The following CADPS variants were observed in gnomAD, a reference collection of about 807,000 sequenced individuals.
CADPS encodes calcium-dependent secretion activator 1.
Under a neutral mutation model 167.3 loss-of-function variants are expected in CADPS, and 57 were observed. The ratio of observed to expected loss-of-function variants is 0.34; its 90% CI spans 0.28 to 0.42. The LOEUF (loss-of-function observed/expected upper bound fraction) is 0.42, where lower values mean the gene tolerates loss of function less well. Among genes scored for constraint, CADPS ranks in the 20% least tolerant of loss-of-function variants. The pLI, the probability that CADPS is intolerant of heterozygous loss-of-function variation, is 1.00. For synonymous variants in CADPS, 676 were observed against 635.3 expected (o/e 1.06, Z -0.96); for missense variants, 1,414 against 1,738.1 (o/e 0.81, Z 3.32).
intron 7 of CADPS, among the ~76,000 whole-genome samples, chr3:62,590,427 C>T (rs907629387): frequency 3.3e-5 from 5 of 152,190 alleles, no homozygotes; most frequent in African/African-American, 1.2e-4. Context: ...TCCCTAGGGA[C>T]AGAAATGAGT....
chr3:62,680,944 C>A (rs774559742), intron 3 of CADPS, among the ~76,000 whole-genome samples: 1 of 152,002 alleles, frequency 6.6e-6, no homozygotes, highest in Non-Finnish European at 1.5e-5. Context: ...AGGACATATC[C>A]TGGTTCTTCA....
chr3:62,744,571 G>T (rs142470027), intron 3 of CADPS, among the ~76,000 whole-genome samples: 1 of 152,172 alleles, frequency 6.6e-6, no homozygotes, highest in African/African-American at 2.4e-5. Flanking sequence ...TATTTGCAAG[G>T]CTGTGCTAGA....
intron 6 of CADPS, among the ~76,000 whole-genome samples, chr3:62,597,873 G>A (rs1194135618): frequency 2.0e-5 from 3 of 152,004 alleles, no homozygotes; most frequent in Admixed American, 6.6e-5. Flanking sequence ...ATGGTAACCT[G>A]GTCCAGTGAA....
At chr3:62,559,143 C>A (rs1512021) in intron 9 of CADPS, among the ~76,000 whole-genome samples, 130,143 of 151,878 alleles carry the variant, frequency 0.86, 55,817 homozygotes, top group Middle Eastern at 0.94. Flanking sequence ...TTATACAGGC[C>A]CCTTCCTTGC....
intron 26 of CADPS, among the ~76,000 whole-genome samples, chr3:62,461,164 G>C (rs2059298529): frequency 6.6e-6 from 1 of 152,194 alleles, no homozygotes; most frequent in Admixed American, 6.5e-5. Context: ...GTTGGAATGG[G>C]ATTGTTCTGA....
chr3:62,874,375 C>A lies in CADPS; in HGVS notation c.441+214G>T, dbSNP rs2153226740. 6.6e-6 allele frequency among the ~76,000 whole-genome samples: 1 copy of A among 152,280 alleles called. No individual in the cohort carries two copies. Among genetic ancestry groups the A allele is most frequent in the Non-Finnish European group, 1.5e-5 (1 of 68,022 alleles). ...GCGGCGCTGCGCTCCGCGGCCCTCG[C>A]CGGTCCCAGTCAGCTCCAGGAGCGC... On this transcript the variant is annotated intron_variant, in intron 1 of 29. Coordinates refer to ENST00000383710, the MANE Select transcript of CADPS (RefSeq NM_003716.4). This position sits in a 1 kb window ranked among gnomAD's most constrained non-coding sequence, Gnocchi z 7.1.
intron 1 of CADPS, chr3:62,814,434 AG>A (rs2094521676): frequency 6.6e-6 from 1 of 152,208 alleles, no homozygotes; most frequent in South Asian, 2.1e-4. Flanking sequence ...ATTACAAAGA[AG>A]ATTAACATAG....
chr3:62,470,076 G>T (rs996506273), intron 24 of CADPS, among the ~76,000 whole-genome samples: 15 of 152,168 alleles, frequency 9.9e-5, no homozygotes, highest in African/African-American at 3.6e-4. Context: ...TAGACCAAGT[G>T]AGAAACTATT....
At chr3:62,554,012 A>G (rs2077720691) in intron 10 of CADPS, among the ~76,000 whole-genome samples, 2 of 152,188 alleles carry the variant, frequency 1.3e-5, no homozygotes, top group Admixed American at 6.5e-5. Context: ...AGGGGAAAGG[A>G]ATTGCACTTC....
chr3:62,639,557 C>A (rs943549129), intron 6 of CADPS, among the ~76,000 whole-genome samples: 1 of 152,160 alleles, frequency 6.6e-6, no homozygotes, highest in Non-Finnish European at 1.5e-5. Context: ...CTGTGTTATT[C>A]CCCACTCTAA....
At chr3:62,597,047 A>T (rs1211606690) in intron 6 of CADPS, among the ~76,000 whole-genome samples, 1 of 152,204 alleles carries the variant, frequency 6.6e-6, no homozygotes, top group Non-Finnish European at 1.5e-5. Context: ...ACTTATGATT[A>T]ATTGTACTAT....
At chr3:62,708,490 G>A (rs777759830) in intron 3 of CADPS, among the ~76,000 whole-genome samples, 7 of 151,992 alleles carry the variant, frequency 4.6e-5, no homozygotes, top group Non-Finnish European at 1.0e-4. Flanking sequence ...ACACCAAGAG[G>A]TTGGGTAACT....
intron 3 of CADPS, among the ~76,000 whole-genome samples, chr3:62,667,310 T>C (rs1580023029): frequency 6.6e-6 from 1 of 152,138 alleles, no homozygotes; most frequent in East Asian, 1.9e-4. Context: ...CTTTAGGATA[T>C]ATGAAAGAAA....
At chr3:62,708,829 G>C (rs1453357803) in intron 3 of CADPS, among the ~76,000 whole-genome samples, 2 of 151,978 alleles carry the variant, frequency 1.3e-5, no homozygotes, top group Admixed American at 6.6e-5. Flanking sequence ...ATAAAGAAAG[G>C]GGTAGGGGCG....
At chr3:62,449,654 C>G (rs1378952485) in intron 26 of CADPS, among the ~76,000 whole-genome samples, 1 of 152,162 alleles carries the variant, frequency 6.6e-6, no homozygotes, top group Non-Finnish European at 1.5e-5. Flanking sequence ...AAATAACCAA[C>G]AGCCCTTACC....
chr3:62,723,454 G>A (rs2076177255), intron 3 of CADPS, among the ~76,000 whole-genome samples: 1 of 152,036 alleles, frequency 6.6e-6, no homozygotes, highest in Admixed American at 6.6e-5. Flanking sequence ...GGGCATGTGG[G>A]GCTCACCTCT....
chr3:62,841,227 G>A (rs972061313), intron 1 of CADPS, among the ~76,000 whole-genome samples: 1 of 152,178 alleles, frequency 6.6e-6, no homozygotes, highest in Non-Finnish European at 1.5e-5. Context: ...TAGTAAGTAA[G>A]AGAAGAAAAC....
intron 1 of CADPS, among the ~76,000 whole-genome samples, chr3:62,780,624 T>C (rs1394448648): frequency 1.3e-5 from 2 of 152,204 alleles, no homozygotes; most frequent in Non-Finnish European, 2.9e-5. Context: ...TGTAGAATAC[T>C]GATAAGTTGC....
At chr3:62,583,155 G>GTCTGTCTC (rs376827660) in intron 8 of CADPS, among the ~76,000 whole-genome samples, 4 of 147,178 alleles carry the variant, frequency 2.7e-5, no homozygotes, top group Non-Finnish European at 4.5e-5. Flanking sequence ...TACCCTCTTT[G>GTCTGTCTC]TCTCTCTCTC....
Sources: allele counts gnomAD v4.1 joint callset (sites outside exome capture counted in the v4.1 genomes callset), GRCh38; gene constraint gnomAD v4.1.1; non-coding constraint Gnocchi (gnomAD v3.1); transcripts MANE v1.5; gene names NCBI Gene and HGNC (gene_info 2026-07-23, HGNC 2026-07-21).